FANCL: variants seen among roughly 807,000 people sequenced by gnomAD.
FANCL encodes E3 ubiquitin-protein ligase FANCL.
Under a neutral mutation model 59.4 loss-of-function variants are expected in FANCL, and 69 were observed. The observed-to-expected ratio is 1.16, with a 90% confidence interval of 0.96 to 1.42. The LOEUF (loss-of-function observed/expected upper bound fraction) is 1.42, where lower values mean the gene tolerates loss of function less well. Among genes scored for constraint, FANCL ranks in the 40% most tolerant of loss-of-function variants. FANCL has a pLI of 0.00. For missense variants in FANCL, 519 were observed against 447.2 expected, an observed-to-expected ratio of 1.16 and a Z score of -1.45; for synonymous variants, 180 against 147.1, an observed-to-expected ratio of 1.22 and a Z score of -1.62.
intron 6 of FANCL, among the ~76,000 whole-genome samples, chr2:58,199,004 G>A (rs1316406209): frequency 6.6e-6 from 1 of 150,546 alleles, no homozygotes; most frequent in Non-Finnish European, 1.5e-5. Context: ...ACTCCAGCCT[G>A]GGCGACAGAG....
At chr2:58,230,919 T>TC (rs1490126309) in intron 2 of FANCL, among the ~76,000 whole-genome samples, 2 of 152,356 alleles carry the variant, frequency 1.3e-5, no homozygotes, top group East Asian at 3.8e-4. Context: ...TGCATACCAT[T>TC]CTCTAACCAC....
intron 7 of FANCL, among the ~76,000 whole-genome samples, chr2:58,185,904 G>T (rs72810363): frequency 6.6e-6 from 1 of 151,960 alleles, no homozygotes; most frequent in South Asian, 2.1e-4. Flanking sequence ...TGTACACTTA[G>T]GTCTAAACAT....
At chr2:58,167,232 A>G (rs1036854723) in intron 7 of FANCL, among the ~76,000 whole-genome samples, 3 of 152,206 alleles carry the variant, frequency 2.0e-5, no homozygotes, top group Admixed American at 6.5e-5. Flanking sequence ...AAAGGTGTGA[A>G]GTAGGAATTA....
intron 7 of FANCL, among the ~76,000 whole-genome samples, chr2:58,189,854 G>T (rs1026481382): frequency 6.6e-6 from 1 of 151,908 alleles, no homozygotes; most frequent in Non-Finnish European, 1.5e-5. Context: ...TCTGGTACTT[G>T]CAACAGTTGT....
chr2:58,215,231 G>A (rs1338367718), intron 5 of FANCL, among the ~76,000 whole-genome samples: 1 of 152,098 alleles, frequency 6.6e-6, no homozygotes, highest in Non-Finnish European at 1.5e-5. Context: ...TGCTGCTAGG[G>A]CATCTCAACT....
intron 7 of FANCL, among the ~76,000 whole-genome samples, chr2:58,167,789 G>A (rs918642433): frequency 1.3e-5 from 2 of 152,114 alleles, no homozygotes; most frequent in Non-Finnish European, 2.9e-5. Flanking sequence ...TCCAGATGGG[G>A]AAAAGAAAGA....
Position 58,159,778 on chromosome 2 carries a change from CCAGA to C in FANCL, c.1111_1114del (p.Ser371GlufsTer18). 1 of 1,613,074 alleles carries C rather than the reference CCAGA, an allele frequency of 6.2e-7. No homozygotes were observed. Among genetic ancestry groups the C allele is most frequent in the Non-Finnish European group, 8.5e-7 (1 of 1,179,560 alleles). On this transcript the variant is annotated frameshift_variant, in exon 14 of 14. Transcript: ENST00000233741. LOFTEE classifies it high-confidence loss of function. ...TGTATTCTTATTTCAGTGTTTCCTT[CCAGA>C]CATTTTTAAGGTAATTGGCTTTAAA...
At chr2:58,165,367 A>C (rs935225329) in intron 8 of FANCL, among the ~76,000 whole-genome samples, 1 of 152,198 alleles carries the variant, frequency 6.6e-6, no homozygotes, top group Non-Finnish European at 1.5e-5. Context: ...TAATCTGAGA[A>C]GATTGTAAGC....
intron 7 of FANCL, among the ~76,000 whole-genome samples, chr2:58,184,403 A>C (rs1688205618): frequency 6.6e-6 from 1 of 152,106 alleles, no homozygotes; most frequent in African/African-American, 2.4e-5. Flanking sequence ...AAACTGCAAT[A>C]GTCAATAAAC....
rs146626544 is a variant in FANCL at position 58,216,756 on chromosome 2, C to A, written c.374+5186G>T. On this transcript the variant is annotated intron_variant, in intron 5 of 13. Coordinates refer to ENST00000233741, the MANE Select transcript of FANCL (RefSeq NM_018062.4). ...CCACCTTCCCATTCACACACAGGTA[C>A]CTTCATACCTTGACCTCTGACCTCA... is the stretch of plus-strand genomic sequence containing the variant. Among the ~76,000 whole-genome samples the A allele has an allele frequency of 1.6e-4, 24 of 151,954 alleles. No homozygotes were observed. In the East Asian group the frequency reaches 4.3e-3, roughly 27 times the overall value.
chr2:58,224,665 G>C (rs1228446402), intron 4 of FANCL, among the ~76,000 whole-genome samples: 1 of 151,792 alleles, frequency 6.6e-6, no homozygotes, highest in East Asian at 1.9e-4. Context: ...TCCATTGTTA[G>C]CAATATTAGT....
Position 58,198,623 on chromosome 2 carries a change from C to A in FANCL, c.511G>T (p.Val171Phe), listed in dbSNP as rs1268184066. Residue 171 changes from valine (V) to phenylalanine (F), a missense_variant, in exon 7 of 14, where the codon GTT becomes TTT. Coordinates refer to ENST00000233741, the MANE Select transcript of FANCL (RefSeq NM_018062.4). Reference sequence around the variant, plus strand: ...GGTGTCCAGGAGGCACAAAATGGAACAGGAAAATCCACAAAATAATCTGGT... The same window carrying A: ...GGTGTCCAGGAGGCACAAAATGGAAAAGGAAAATCCACAAAATAATCTGGT... Reference protein sequence around the residue: ...ESPDYFVDFPVPFCASWTPQS... With the variant: ...ESPDYFVDFPFPFCASWTPQS... 1.9e-6 allele frequency: 3 copies of A among 1,613,762 alleles called. No homozygotes were observed. The highest frequency in any genetic ancestry group is 1.7e-5 in the Admixed American group (1 of 59,998).
At chr2:58,211,112 T>C (rs1573726457) in intron 5 of FANCL, among the ~76,000 whole-genome samples, 2 of 152,194 alleles carry the variant, frequency 1.3e-5, no homozygotes, top group Non-Finnish European at 2.9e-5. Flanking sequence ...CCCTTCCGCA[T>C]TGTCCTAACA....
At chr2:58,166,494 A>T (rs1685968090) in intron 7 of FANCL, among the ~76,000 whole-genome samples, 1 of 152,222 alleles carries the variant, frequency 6.6e-6, no homozygotes, top group Non-Finnish European at 1.5e-5. Context: ...CTTTATAGGA[A>T]TTAGCTTAAA....
chr2:58,190,834 T>C (rs2105039496), intron 7 of FANCL, among the ~76,000 whole-genome samples: 1 of 152,026 alleles, frequency 6.6e-6, no homozygotes, highest in East Asian at 1.9e-4. Flanking sequence ...TCTATATCTA[T>C]CTAATAAATT....
At chr2:58,204,788 C>T (rs1573702527) in intron 5 of FANCL, among the ~76,000 whole-genome samples, 1 of 151,962 alleles carries the variant, frequency 6.6e-6, no homozygotes. Flanking sequence ...TCTTTCTGCA[C>T]GATATATAGC....
chr2:58,205,296 T>C (rs890015737), intron 5 of FANCL, among the ~76,000 whole-genome samples: 3 of 152,074 alleles, frequency 2.0e-5, no homozygotes, highest in Admixed American at 6.6e-5. Context: ...TCTGAAGATA[T>C]CTATCTTCAA....
chr2:58,191,479 C>A (rs921787534), intron 7 of FANCL, among the ~76,000 whole-genome samples: 1 of 151,758 alleles, frequency 6.6e-6, no homozygotes, highest in Non-Finnish European at 1.5e-5. Flanking sequence ...TTTCTCTCAA[C>A]ATCTCTTATC....
chr2:58,240,110 TA>T (rs79031739), intron 1 of FANCL, among the ~76,000 whole-genome samples: 41,934 of 130,542 alleles, frequency 0.32, 8,848 homozygotes, highest in African/African-American at 0.63. Flanking sequence ...ATGCTTCCTG[TA>T]AAAAAAAAAA....
Sources: gnomAD v4.1 joint callset for allele counts (sites outside exome capture counted in the v4.1 genomes callset) on GRCh38, gnomAD v4.1.1 for gene constraint, MANE v1.5 for transcripts, NCBI Gene and HGNC (gene_info 2026-07-23, HGNC 2026-07-21) for gene names.